CBY1: variants seen among roughly 807,000 people sequenced by gnomAD.
The protein encoded by CBY1 is protein chibby homolog 1.
In CBY1, 10 loss-of-function variants were observed where a neutral mutation model predicts 15.6. The ratio of observed to expected loss-of-function variants is 0.64; its 90% CI spans 0.40 to 1.09. The LOEUF (loss-of-function observed/expected upper bound fraction) is 1.09. Among genes scored for constraint, CBY1 ranks in the 50% least tolerant of loss-of-function variants. CBY1 has a pLI of 0.01. For missense variants in CBY1, 150 were observed against 160.5 expected (o/e 0.93, Z 0.35); for synonymous variants, 61 against 63.5 (o/e 0.96, Z 0.19).
chr22:38,660,496 A>G (rs1328405226), intron 1 of CBY1, among the ~76,000 whole-genome samples: 1 of 151,932 alleles, frequency 6.6e-6, no homozygotes. Flanking sequence ...CACCAGGCCG[A>G]AAATGCATCT....
chr22:38,657,757 C>A (rs528545422), intron 1 of CBY1, among the ~76,000 whole-genome samples: 1 of 152,156 alleles, frequency 6.6e-6, no homozygotes, highest in Non-Finnish European at 1.5e-5. Context: ...AAGGGGAGAG[C>A]CAGGCCCCTA....
In CBY1 at chr22:38,673,155, T is replaced by C. The variant is rs1217302272; in HGVS notation, c.304-4T>C. ...CTTGCTAACAGCCGCTGCTTCACTT[T>C]CAGCTTTCAGAGTCCACTGCTGAAT... On this transcript the variant is annotated splice_region_variant and splice_polypyrimidine_tract_variant and intron_variant, in intron 4 of 4. Coordinates refer to ENST00000216029, the MANE Select transcript of CBY1 (RefSeq NM_015373.4). The C allele has an allele frequency of 6.2e-7, 1 of 1,606,240 alleles. No individual in the cohort carries two copies. Among genetic ancestry groups the C allele is most frequent in the Non-Finnish European group, 8.5e-7 (1 of 1,173,130 alleles).
chr22:38,671,189 G>C lies in CBY1; in HGVS notation c.303+1G>C, dbSNP rs1289229156. ...GAAAGTGGACATCTTATTAGACATG[G>C]TGAGGCAGGTGATGGGGAAGAGAGG... On this transcript the variant is annotated splice_donor_variant, in intron 4 of 4. Coordinates refer to ENST00000216029, the MANE Select transcript of CBY1 (RefSeq NM_015373.4). LOFTEE classifies it high-confidence loss of function. 2 of 1,600,304 alleles carry C rather than the reference G, an allele frequency of 1.2e-6. No individual in the cohort carries two copies. Among genetic ancestry groups the C allele is most frequent in the Non-Finnish European group, 1.7e-6 (2 of 1,167,848 alleles).
At chr22:38,660,598 C>T (rs1336720117) in intron 1 of CBY1, among the ~76,000 whole-genome samples, 1 of 150,624 alleles carries the variant, frequency 6.6e-6, no homozygotes, top group Non-Finnish European at 1.5e-5. Context: ...TACACGTATA[C>T]CATATATGTG....
chr22:38,659,092 T>C (rs1286554377), intron 1 of CBY1, among the ~76,000 whole-genome samples: 2 of 151,802 alleles, frequency 1.3e-5, no homozygotes, highest in African/African-American at 4.8e-5. Flanking sequence ...CACGCCAACA[T>C]ACTGGGCTAA....
In CBY1 at chr22:38,657,086, A is replaced by G. The variant is rs372185840; in HGVS notation, c.-39+336A>G. 8.2e-6 allele frequency: 8 copies of G among 980,842 alleles called. No individual in the cohort carries two copies. The African/African-American group carries it at 1.2e-4, about 15-fold the overall frequency. The allele number at this position is 980,842 out of a possible 1,614,324, so 60.8% of individuals were successfully genotyped here. A position where few individuals can be genotyped will look rare whatever the true frequency, so the allele number is the denominator to read the frequency against. ...CCTCTGAACTCCTTGGGGGACACGTATATCTTTGAGAATCCGATGAAAACC... is the reference window on the plus strand; with the variant it reads ...CCTCTGAACTCCTTGGGGGACACGTGTATCTTTGAGAATCCGATGAAAACC... On this transcript the variant is annotated intron_variant, in intron 1 of 4. Transcript: ENST00000216029.
chr22:38,667,373 C>T (rs1038422577), intron 1 of CBY1, among the ~76,000 whole-genome samples: 6 of 152,114 alleles, frequency 3.9e-5, no homozygotes, highest in Middle Eastern at 3.4e-3. Flanking sequence ...CAGCAGTGGA[C>T]CACAGCTCAC....
At chr22:38,671,508 A>G (rs911161625) in intron 4 of CBY1, 1 of 347,202 alleles carries the variant, frequency 2.9e-6, no homozygotes, top group African/African-American at 2.1e-5. Context: ...TGGAAGGATA[A>G]TGGCAGGAAT....
chr22:38,671,066 C>T lies in CBY1; in HGVS notation c.185-4C>T. 4 of 1,614,000 alleles carry T rather than the reference C, an allele frequency of 2.5e-6. No individual in the cohort carries two copies. Among genetic ancestry groups the T allele is most frequent in the Non-Finnish European group, 3.4e-6 (4 of 1,179,824 alleles). The stretch of plus-strand genomic sequence containing the variant: ...CCCTTTAACTGGTTCTGTCCTTCCT[C>T]CAGAGACAGGGGTTAGTGGCGGTGT... On this transcript the variant is annotated splice_region_variant and splice_polypyrimidine_tract_variant and intron_variant, in intron 3 of 4. Coordinates refer to ENST00000216029, the MANE Select transcript of CBY1 (RefSeq NM_015373.4).
intron 1 of CBY1, among the ~76,000 whole-genome samples, chr22:38,660,207 T>G (rs1411572643): frequency 6.6e-6 from 1 of 152,084 alleles, no homozygotes; most frequent in African/African-American, 2.4e-5. Flanking sequence ...TTAACTTTTT[T>G]TTTTTGAGAT....
At chr22:38,663,961 G>T (rs1339157213) in intron 1 of CBY1, among the ~76,000 whole-genome samples, 2 of 151,606 alleles carry the variant, frequency 1.3e-5, no homozygotes, top group African/African-American at 4.8e-5. Flanking sequence ...GGCAGAGGTT[G>T]CAGTGAGCCA....
Position 38,657,118 on chromosome 22 carries a change from T to C in CBY1, c.-39+368T>C, listed in dbSNP as rs2092400953. On this transcript the variant is annotated intron_variant, in intron 1 of 4. Transcript: ENST00000216029. ...TGAGAATCCGATGAAAACCAGAGAT[T>C]CCGCCCTTGTTTTCTTAGAATTAAA... The C allele has an allele frequency of 3.0e-6, 3 of 984,130 alleles. No individual in the cohort carries two copies. In the South Asian group the frequency reaches 1.4e-4, roughly 46 times the overall value. 61.0% of individuals were successfully genotyped at this position (984,130 alleles called of 1,614,324 possible). A position where few individuals can be genotyped will look rare whatever the true frequency, so the allele number is the denominator to read the frequency against.
chr22:38,657,270 G>C (rs1400131944), intron 1 of CBY1: 2 of 185,524 alleles, frequency 1.1e-5, no homozygotes, highest in Non-Finnish European at 2.0e-5. Context: ...GTCGTTGTGA[G>C]GATCAAGTGC....
chr22:38,657,707 G>T lies in CBY1; in HGVS notation c.-39+957G>T, dbSNP rs539190732. ...TGAGTAAGGTGCCCAGTTAAAGCCC[G>T]AGAAGTAAAGCAGCTGGGCCAAGGT... is the stretch of plus-strand genomic sequence containing the variant. On this transcript the variant is annotated intron_variant, in intron 1 of 4. Coordinates refer to ENST00000216029, the MANE Select transcript of CBY1 (RefSeq NM_015373.4). Among the ~76,000 whole-genome samples the T allele has an allele frequency of 9.2e-5, 14 of 152,304 alleles. No individual in the cohort carries two copies. The East Asian group carries it at 2.7e-3, about 29-fold the overall frequency.
rs888817801 is a variant in CBY1 at position 38,658,537 on chromosome 22, T to C, written c.-39+1787T>C. Among the ~76,000 whole-genome samples the C allele has an allele frequency of 9.2e-5, 14 of 152,086 alleles. 1 individual carries two copies. In the South Asian group the frequency reaches 2.7e-3, roughly 29 times the overall value. On this transcript the variant is annotated intron_variant, in intron 1 of 4. Transcript: ENST00000216029. Reference sequence around the variant, plus strand: ...GTGCAGTGGTGCGATCTCGGCTCACTGCAAGCTCTGCCTCCTGGGTTCACA... The same window carrying C: ...GTGCAGTGGTGCGATCTCGGCTCACCGCAAGCTCTGCCTCCTGGGTTCACA...
Position 38,670,983 on chromosome 22 carries a change from A to G in CBY1, c.178A>G (p.Ile60Val), listed in dbSNP as rs1341466387. 6 of 1,613,766 alleles carry G rather than the reference A, an allele frequency of 3.7e-6. No individual in the cohort carries two copies. Among genetic ancestry groups the G allele is most frequent in the East Asian group, 4.5e-5 (2 of 44,900 alleles). The change falls in exon 3 of 5, where the codon ATA (isoleucine) becomes GTA (valine). Residue 60 changes from isoleucine (I) to valine (V), a missense_variant. Physicochemically the swap from Ile to Val is conservative, Grantham distance 29. Coordinates refer to ENST00000216029, the MANE Select transcript of CBY1 (RefSeq NM_015373.4). ...CCTGAAGTTTGAAAATGGCCAGTGG[A>G]TAGCAGGTGAGCTGCACTTCCTGCC... ...QSLKFENGQW[I>V]AETGVSGGVD...
chr22:38,666,271 G>A (rs1298193421), intron 1 of CBY1, among the ~76,000 whole-genome samples: 1 of 146,766 alleles, frequency 6.8e-6, no homozygotes, highest in Non-Finnish European at 1.5e-5. Context: ...GGTAGAGACG[G>A]GCCCTGCTAA....
At chr22:38,660,641 C>T (rs1319533439) in intron 1 of CBY1, among the ~76,000 whole-genome samples, 2 of 152,226 alleles carry the variant, frequency 1.3e-5, no homozygotes, top group East Asian at 3.9e-4. Context: ...CACACACACA[C>T]ACACGCAGAC....
At position 38,670,984 on chromosome 22, in the gene CBY1, T is replaced by C; in HGVS notation, c.179T>C (p.Ile60Thr). The C allele has an allele frequency of 6.2e-7, 1 of 1,613,810 alleles. No homozygotes were observed. Among genetic ancestry groups the C allele is most frequent in the Non-Finnish European group, 8.5e-7 (1 of 1,179,644 alleles). ...CTGAAGTTTGAAAATGGCCAGTGGA[T>C]AGCAGGTGAGCTGCACTTCCTGCCA... ...QSLKFENGQWIAETGVSGGVD... is the reference protein window; with the variant it reads ...QSLKFENGQWTAETGVSGGVD... Residue 60 changes from isoleucine (I) to threonine (T), a missense_variant, in exon 3 of 5, where the codon ATA becomes ACA. By Grantham distance (89) the Ile-to-Thr change is moderately conservative (BLOSUM62 -1). Coordinates refer to ENST00000216029, the MANE Select transcript of CBY1 (RefSeq NM_015373.4).
Sources: allele counts gnomAD v4.1 joint callset (sites outside exome capture counted in the v4.1 genomes callset), GRCh38; gene constraint gnomAD v4.1.1; transcripts MANE v1.5; gene names NCBI Gene and HGNC (gene_info 2026-07-23, HGNC 2026-07-21).